DZANK1: variants seen among roughly 807,000 people sequenced by gnomAD.
The protein encoded by DZANK1 is double zinc ribbon and ankyrin repeat-containing protein 1.
DZANK1 carries 91 observed loss-of-function variants against 94.5 expected under a neutral mutation model. That is an observed-to-expected ratio of 0.96 (90% confidence interval 0.81 to 1.15). The LOEUF (loss-of-function observed/expected upper bound fraction) is 1.15, where lower values mean the gene tolerates loss of function less well. Ranked by LOEUF, DZANK1 falls within the 50% of genes most tolerant of loss-of-function variation. The pLI is 0.00. For synonymous variants in DZANK1, 312 were observed against 325.3 expected (o/e 0.96, Z 0.44); for missense variants, 903 against 916.4 (o/e 0.99, Z 0.19).
At chr20:18,433,501 T>C (rs916355991) in intron 9 of DZANK1, 151 bp downstream of exon 9, 58 of 640,702 alleles carry the variant, frequency 9.1e-5, no homozygotes, top group South Asian at 1.9e-4. Flanking sequence ...GAGATTGCGC[T>C]ACTGCACTCC....
chr20:18,464,715 G>T (rs1366943869), intron 2 of DZANK1, among the ~76,000 whole-genome samples: 2 of 110,438 alleles, frequency 1.8e-5, no homozygotes, highest in African/African-American at 3.6e-5. Context: ...TTGCTCTGTT[G>T]CCTAGGCTGG....
At chr20:18,460,073 C>A in intron 3 of DZANK1, 80 bp downstream of exon 3, 1 of 1,093,036 alleles carries the variant, frequency 9.1e-7, no homozygotes, top group South Asian at 2.7e-5. Context: ...AGCACTGATT[C>A]TGATAGGAAA....
chr20:18,385,161 G>T, intron 19 of DZANK1, 71 bp from the exon 20 acceptor site: 1 of 1,466,990 alleles, frequency 6.8e-7, no homozygotes, highest in South Asian at 1.2e-5. Context: ...GGATGCATGT[G>T]ACCCAAGGTC....
At position 18,409,551 on chromosome 20, in the gene DZANK1, T is replaced by TACACAC. The variant is rs71194238; in HGVS notation, c.1432+3089_1432+3094dup. Among the ~76,000 whole-genome samples, 414 of 142,632 alleles carry TACACAC rather than the reference T, an allele frequency of 2.9e-3. 5 individuals are homozygous for TACACAC. The highest frequency in any genetic ancestry group is 0.02 in the Admixed American group (283 of 14,316). The allele number at this position is 142,632 out of a possible 152,430, so 93.6% of individuals were successfully genotyped here. A position where few individuals can be genotyped will look rare whatever the true frequency, so the allele number is the denominator to read the frequency against. On this transcript the variant is annotated intron_variant, in intron 13 of 20. Transcript: ENST00000262547. ...ACATGACCCTAGAGAGTAATATGAATACACACACACACACACACACACACA... is the reference window on the plus strand; with the variant it reads ...ACATGACCCTAGAGAGTAATATGAATACACACACACACACACACACACACACACACA...
At chr20:18,424,059 A>G (rs993912865) in intron 10 of DZANK1, among the ~76,000 whole-genome samples, 9 of 152,218 alleles carry the variant, frequency 5.9e-5, no homozygotes, top group Admixed American at 1.3e-4. Flanking sequence ...AGGAATGATA[A>G]AGAAAGAACA....
At chr20:18,388,673 A>G (rs2048662239) in intron 19 of DZANK1, among the ~76,000 whole-genome samples, 2 of 152,222 alleles carry the variant, frequency 1.3e-5, no homozygotes, top group South Asian at 2.1e-4. Context: ...ACTCTAAGAA[A>G]ACTTGAGAAA....
intron 17 of DZANK1, among the ~76,000 whole-genome samples, chr20:18,390,919 G>C (rs1316233897): frequency 6.6e-6 from 1 of 152,116 alleles, no homozygotes; most frequent in East Asian, 1.9e-4. Context: ...AAAAAGGAGG[G>C]GCATAGTAGC....
intron 7 of DZANK1, among the ~76,000 whole-genome samples, chr20:18,446,760 T>C (rs1490662820): frequency 2.0e-5 from 3 of 152,340 alleles, no homozygotes; most frequent in Middle Eastern, 3.4e-3. Context: ...CTACCAAATA[T>C]GTAAGGAAGA....
In DZANK1 at chr20:18,433,956, A is replaced by C. The variant is rs144299947; in HGVS notation, c.748-191T>G. 1.8e-3 allele frequency: 967 copies of C among 550,608 alleles called. 10 individuals carry two copies. The Admixed American group carries it at 0.023, about 13-fold the overall frequency. The allele number at this position is 550,608 out of a possible 1,614,324, so 34.1% of individuals were successfully genotyped here. ...TGTAAAGTTTGATTTGTTTTTGTAAAACAATTTTTTAAATAATTACCTTTA... is the reference window on the plus strand; with the variant it reads ...TGTAAAGTTTGATTTGTTTTTGTAACACAATTTTTTAAATAATTACCTTTA... On this transcript the variant is annotated intron_variant, in intron 8 of 20. Transcript: ENST00000262547.
chr20:18,415,282 TG>T lies in DZANK1; in HGVS notation c.1077+44del, dbSNP rs2057436334. ...AAGTGCCTGGCTCTCTCCAGGCCAGTGGTGAGGTGCTCAGTATACAGAATCT... is the reference window on the plus strand; with the variant it reads ...AAGTGCCTGGCTCTCTCCAGGCCAGTGTGAGGTGCTCAGTATACAGAATCT... On this transcript the variant is annotated intron_variant, in intron 11 of 20. Transcript: ENST00000262547. 7.1e-6 allele frequency: 10 copies of T among 1,413,590 alleles called. No homozygotes were observed. The Middle Eastern group carries it at 5.7e-4, about 80-fold the overall frequency. The allele number at this position is 1,413,590 out of a possible 1,614,324, so 87.6% of individuals were successfully genotyped here.
At chr20:18,440,036 A>C (rs538867099) in intron 8 of DZANK1, among the ~76,000 whole-genome samples, 10 of 152,296 alleles carry the variant, frequency 6.6e-5, no homozygotes, top group African/African-American at 2.4e-4. Flanking sequence ...AAGAAGAGGA[A>C]GAGACACCAG....
exon 21 of DZANK1, chr20:18,384,489 G>A (rs764891135): frequency 1.2e-6 from 2 of 1,612,090 alleles, no homozygotes; most frequent in South Asian, 2.2e-5. Context: ...AGGTGACAAG[G>A]TCATCTCCAG....
At chr20:18,383,581 GA>G (rs2048312102) in exon 21 of DZANK1, 1 of 152,174 alleles carries the variant, frequency 6.6e-6, no homozygotes, top group Admixed American at 6.5e-5. Flanking sequence ...TAAAAGAGGG[GA>G]AAGAATATAT....
Position 18,399,222 on chromosome 20 carries a change from C to T in DZANK1, c.1433-596G>A, listed in dbSNP as rs879612585. Among the ~76,000 whole-genome samples the T allele has an allele frequency of 9.9e-5, 15 of 151,836 alleles. No homozygotes were observed. The South Asian group carries it at 1.5e-3, about 15-fold the overall frequency. ...ATTCTATCCCACCTACAATAACTTACCTAATATTTTATTTTATTTATTTTG... is the reference window on the plus strand; with the variant it reads ...ATTCTATCCCACCTACAATAACTTATCTAATATTTTATTTTATTTATTTTG... On this transcript the variant is annotated intron_variant, in intron 13 of 20. Coordinates refer to ENST00000262547, the Ensembl canonical transcript of DZANK1.
At chr20:18,399,351 A>G (rs6132053) in intron 13 of DZANK1, among the ~76,000 whole-genome samples, 125,551 of 151,780 alleles carry the variant, frequency 0.83, 52,458 homozygotes, top group South Asian at 0.96. Context: ...CACCTCAGCC[A>G]CCCACGTAGC....
Position 18,403,838 on chromosome 20 carries a change from T to C in DZANK1, c.1433-5212A>G, listed in dbSNP as rs141043583. Among the ~76,000 whole-genome samples, 33 of 149,618 alleles carry C rather than the reference T, an allele frequency of 2.2e-4. No homozygotes were observed. In the East Asian group the frequency reaches 6.7e-3, roughly 30 times the overall value. ...TTTTTGAGATGGATTCTCACTCTGT[T>C]GCCCAGGTAGGAGTGCAGTGGCATG... On this transcript the variant is annotated intron_variant, in intron 13 of 20. Transcript: ENST00000262547.
rs139701792 is a variant in DZANK1, at chr20:18,443,485, G to A, written c.630-21C>T. Reference sequence around the variant, plus strand: ...CACACCTACAACAAAACAGGTTCCCGATTGGCCATGTTCTGGTGGGCCCAC... The same window carrying A: ...CACACCTACAACAAAACAGGTTCCCAATTGGCCATGTTCTGGTGGGCCCAC... On this transcript the variant is annotated intron_variant, in intron 7 of 20. Coordinates refer to ENST00000262547, the Ensembl canonical transcript of DZANK1. 5.0e-5 allele frequency: 67 copies of A among 1,349,260 alleles called. No homozygotes were observed. The Admixed American group carries it at 1.3e-3, about 26-fold the overall frequency. The allele number at this position is 1,349,260 out of a possible 1,614,324, so 83.6% of individuals were successfully genotyped here. A position where few individuals can be genotyped will look rare whatever the true frequency, so the allele number is the denominator to read the frequency against.
At chr20:18,401,226 C>A (rs772812057) in intron 13 of DZANK1, among the ~76,000 whole-genome samples, 1 of 152,132 alleles carries the variant, frequency 6.6e-6, no homozygotes, top group Non-Finnish European at 1.5e-5. Context: ...TATGAGCCAC[C>A]GAGCCTGGCC....
chr20:18,428,905 A>G (rs563901360), intron 9 of DZANK1, among the ~76,000 whole-genome samples: 47 of 152,336 alleles, frequency 3.1e-4, no homozygotes, highest in Admixed American at 5.9e-4. Flanking sequence ...CACTGAGCCA[A>G]CGCACCACAG....
Sources: gnomAD v4.1 joint callset for allele counts (sites outside exome capture counted in the v4.1 genomes callset) on GRCh38, gnomAD v4.1.1 for gene constraint, MANE v1.5 for transcripts, NCBI Gene and HGNC (gene_info 2026-07-23, HGNC 2026-07-21) for gene names.